The following MCC variants were observed in gnomAD, a reference collection of about 807,000 sequenced individuals.
The protein encoded by MCC is MCC regulator of Wnt signaling pathway.
In MCC, 90 loss-of-function variants were observed where a neutral mutation model predicts 116.2. That is an observed-to-expected ratio of 0.77 (90% confidence interval 0.65 to 0.92). The LOEUF (loss-of-function observed/expected upper bound fraction) is 0.92, where lower values mean the gene tolerates loss of function less well. Among genes scored for constraint, MCC ranks in the 40% least tolerant of loss-of-function variants. The pLI, the probability that MCC is intolerant of heterozygous loss-of-function variation, is 0.00. For missense variants in MCC, 1,516 were observed against 1,312.2 expected (o/e 1.16, Z -2.40); for synonymous variants, 578 against 510.5 (o/e 1.13, Z -1.78).
At chr5:113,171,073 G>T (rs1434596855) in intron 3 of MCC, among the ~76,000 whole-genome samples, 2 of 151,942 alleles carry the variant, frequency 1.3e-5, no homozygotes, top group African/African-American at 4.8e-5. Context: ...TCAGATATCT[G>T]CCCTCCACAC....
At position 113,068,062 on chromosome 5, in the gene MCC, G is replaced by A; in HGVS notation, c.2029+18C>T. 1 of 1,602,304 alleles carries A rather than the reference G, an allele frequency of 6.2e-7. No homozygotes were observed. On this transcript the variant is annotated intron_variant, in intron 13 of 18. Coordinates refer to ENST00000408903, the MANE Select transcript of MCC (RefSeq NM_001085377.2). The stretch of plus-strand genomic sequence containing the variant: ...GCAGGGAGACAAGAGGAGGAAGAGG[G>A]ACTCTGGAGACACTTACCAGGGGAG...
intron 3 of MCC, among the ~76,000 whole-genome samples, chr5:113,332,689 A>AATAT (rs1161842421): frequency 1.3e-5 from 2 of 151,678 alleles, no homozygotes; most frequent in African/African-American, 4.9e-5. Context: ...GGGCCAATAA[A>AATAT]ATATAACATT....
At chr5:113,137,080 T>C (rs1242081171) in intron 5 of MCC, among the ~76,000 whole-genome samples, 2 of 152,282 alleles carry the variant, frequency 1.3e-5, no homozygotes, top group South Asian at 2.1e-4. Context: ...GGGTAACTTA[T>C]AAAGGAAAGA....
intron 3 of MCC, among the ~76,000 whole-genome samples, chr5:113,302,689 G>C (rs968237067): frequency 2.6e-5 from 4 of 152,198 alleles, no homozygotes; most frequent in African/African-American, 9.6e-5. Context: ...CAGGGTTATT[G>C]ATGAAACAAA....
intron 3 of MCC, among the ~76,000 whole-genome samples, chr5:113,273,812 G>A (rs1276737306): frequency 9.2e-5 from 14 of 151,826 alleles, no homozygotes; most frequent in South Asian, 4.2e-4. Context: ...CATATTAGAC[G>A]GGATGAGAAA....
intron 5 of MCC, among the ~76,000 whole-genome samples, chr5:113,141,164 T>A (rs1169400280): frequency 1.3e-5 from 2 of 152,188 alleles, no homozygotes; most frequent in African/African-American, 4.8e-5. Flanking sequence ...CCCGTGGACA[T>A]CAGAACTCTT....
chr5:113,273,760 A>G (rs1167079647), intron 3 of MCC, among the ~76,000 whole-genome samples: 1 of 152,154 alleles, frequency 6.6e-6, no homozygotes, highest in East Asian at 1.9e-4. Flanking sequence ...AATTAACACT[A>G]GGCAAATGGT....
At chr5:113,082,595 G>A (rs1415478919) in intron 11 of MCC, among the ~76,000 whole-genome samples, 1 of 152,206 alleles carries the variant, frequency 6.6e-6, no homozygotes, top group Non-Finnish European at 1.5e-5. Context: ...AATTTAAAAC[G>A]TTGACAGCAG....
intron 8 of MCC, among the ~76,000 whole-genome samples, chr5:113,088,831 A>T (rs576666101): frequency 6.6e-6 from 1 of 152,058 alleles, no homozygotes; most frequent in Non-Finnish European, 1.5e-5. Context: ...TTTTTTTGAG[A>T]CACGGTCTCA....
intron 3 of MCC, among the ~76,000 whole-genome samples, chr5:113,259,956 A>G (rs1765160807): frequency 6.6e-6 from 1 of 151,776 alleles, no homozygotes; most frequent in African/African-American, 2.4e-5. Context: ...ACCAAAATGT[A>G]CAAATAAGCT....
rs1026407394 is a variant in MCC at position 113,195,057 on chromosome 5, G to A, written c.628-43635C>T. 3.3e-5 allele frequency among the ~76,000 whole-genome samples: 5 copies of A among 152,172 alleles called. No individual in the cohort carries two copies. The South Asian group carries it at 1.0e-3, about 32-fold the overall frequency. On this transcript the variant is annotated intron_variant, in intron 3 of 18. Transcript: ENST00000408903. ...CATGCCCATTTCAGATAGTGATTGT[G>A]CCCTAGGCTTTCCCAGTGCACAGTG... is the stretch of plus-strand genomic sequence containing the variant.
chr5:113,198,335 CCTGGGATAA>C (rs972405227), intron 3 of MCC, among the ~76,000 whole-genome samples: 1 of 151,954 alleles, frequency 6.6e-6, no homozygotes, highest in African/African-American at 2.4e-5. Context: ...AGTAAATGAG[CCTGGGATAA>C]CTTATGTATT....
chr5:113,456,767 G>A (rs255879), intron 1 of MCC, among the ~76,000 whole-genome samples: 82,185 of 147,908 alleles, frequency 0.56, 25,000 homozygotes, highest in East Asian at 0.8. Context: ...CACTGCGCCC[G>A]GCCAATGAGC....
At position 113,351,872 on chromosome 5, in the gene MCC, C is replaced by G. The variant is rs140956019; in HGVS notation, c.416-11142G>C. On this transcript the variant is annotated intron_variant, in intron 2 of 18. Coordinates refer to ENST00000408903, the MANE Select transcript of MCC (RefSeq NM_001085377.2). ...AAAATACAACTGTTCTGGGGTAAGA[C>G]AGTCAAAGGAAGCTTCATTTGAAAT... Among the ~76,000 whole-genome samples the G allele has an allele frequency of 2.9e-3, 449 of 152,214 alleles. 1 individual carries two copies. Among genetic ancestry groups the G allele is most frequent in the African/African-American group, 0.01 (427 of 41,562 alleles).
At chr5:113,073,765 G>A (rs962337020) in intron 11 of MCC, among the ~76,000 whole-genome samples, 23 of 151,564 alleles carry the variant, frequency 1.5e-4, no homozygotes, top group African/African-American at 4.6e-4. Context: ...CCACGCCCAC[G>A]GAGCTTCGCT....
intron 6 of MCC, among the ~76,000 whole-genome samples, chr5:113,106,970 T>G (rs1756774075): frequency 6.6e-6 from 1 of 152,230 alleles, no homozygotes; most frequent in Non-Finnish European, 1.5e-5. Context: ...CTTCTTATCC[T>G]ATTTTTTTCA....
chr5:113,456,407 C>T (rs769320085), intron 1 of MCC, among the ~76,000 whole-genome samples: 11 of 152,040 alleles, frequency 7.2e-5, no homozygotes, highest in Admixed American at 2.0e-4. Flanking sequence ...TTACATATAC[C>T]AGTTGAGCAT....
At chr5:113,063,963 G>A in intron 14 of MCC, 21 bp downstream of exon 14, 1 of 1,602,804 alleles carries the variant, frequency 6.2e-7, no homozygotes, top group Non-Finnish European at 8.5e-7. Context: ...GCCCACCCCA[G>A]AGCAGAAGGC....
chr5:113,075,244 A>G (rs938195804), intron 11 of MCC, among the ~76,000 whole-genome samples: 12 of 152,204 alleles, frequency 7.9e-5, no homozygotes, highest in Non-Finnish European at 4.4e-5. Flanking sequence ...CCACGCTCGA[A>G]TTCTCACTGG....
Sources: gnomAD v4.1 joint callset for allele counts (sites outside exome capture counted in the v4.1 genomes callset) on GRCh38, gnomAD v4.1.1 for gene constraint, MANE v1.5 for transcripts, NCBI Gene and HGNC (gene_info 2026-07-23, HGNC 2026-07-21) for gene names.